Variants in PIK3AP1 observed in about 807,000 individuals in gnomAD.
The protein encoded by PIK3AP1 is phosphoinositide 3-kinase adapter protein 1.
PIK3AP1 carries 21 observed loss-of-function variants against 88.1 expected under a neutral mutation model. The observed-to-expected ratio is 0.24, with a 90% CI of 0.17 to 0.34. PIK3AP1 has a LOEUF of 0.34. PIK3AP1 is among the 10% of genes least tolerant of loss of function. The probability of loss-of-function intolerance (pLI) is 1.00; values close to 1 mark genes in which losing one functional copy is unlikely to be tolerated. For missense variants in PIK3AP1, 828 were observed against 1,035.7 expected (o/e 0.80, Z 2.75); for synonymous variants, 398 against 400.0 (o/e 1.00, Z 0.06).
chr10:96,664,598 C>T (rs1437451125), intron 2 of PIK3AP1, among the ~76,000 whole-genome samples: 1 of 152,034 alleles, frequency 6.6e-6, no homozygotes, highest in African/African-American at 2.4e-5. Context: ...AATAATTTTG[C>T]CCAAGAGCCC....
intron 10 of PIK3AP1, among the ~76,000 whole-genome samples, chr10:96,626,167 C>A (rs554554624): frequency 6.6e-6 from 1 of 152,228 alleles, no homozygotes; most frequent in Admixed American, 6.5e-5. Context: ...AAGTCAAAAC[C>A]TTAATTTTTA....
At chr10:96,614,295 T>A (rs1849177865) in intron 13 of PIK3AP1, among the ~76,000 whole-genome samples, 1 of 152,126 alleles carries the variant, frequency 6.6e-6, no homozygotes, top group Non-Finnish European at 1.5e-5. Context: ...AAGGCTTCTA[T>A]CTTTGGGCGC....
chr10:96,651,142 C>T (rs1424390553), intron 6 of PIK3AP1, 106 bp downstream of exon 6: 2 of 1,441,298 alleles, frequency 1.4e-6, no homozygotes, highest in African/African-American at 2.8e-5. Context: ...GAGAAGGGAC[C>T]CAGAAGAGTT....
chr10:96,629,110 G>C (rs1843202448), intron 8 of PIK3AP1, among the ~76,000 whole-genome samples: 1 of 151,594 alleles, frequency 6.6e-6, no homozygotes, highest in African/African-American at 2.4e-5. Context: ...GGAACATTAT[G>C]TAACAATTAA....
chr10:96,614,069 G>A (rs1849171858), intron 13 of PIK3AP1, among the ~76,000 whole-genome samples: 1 of 152,136 alleles, frequency 6.6e-6, no homozygotes, highest in African/African-American at 2.4e-5. Context: ...ATGTGCGTCT[G>A]TCCTGCTTCA....
In PIK3AP1 at chr10:96,593,411, C is replaced by T. The variant is rs965202324; in HGVS notation, c.*2166G>A. On this transcript the variant is annotated 3_prime_UTR_variant, in exon 17 of 17. Transcript: ENST00000339364. ...TATTGCACAAACAGTGATGTGCATA[C>T]AAAGATGCTAACAACATTGGCTGGT... 1.3e-5 allele frequency: 2 copies of T among 152,122 alleles called. No homozygotes were observed. The highest frequency in any genetic ancestry group is 4.8e-5 in the African/African-American group (2 of 41,414). The allele number at this position is 152,122 out of a possible 1,614,324, so 9.4% of individuals were successfully genotyped here.
intron 2 of PIK3AP1, chr10:96,700,976 G>T: frequency 1.2e-6 from 1 of 804,428 alleles, no homozygotes; most frequent in Non-Finnish European, 1.5e-6. Context: ...CAGACCACAG[G>T]GCCTGAGCTA....
At chr10:96,642,102 G>A (rs1239828336) in intron 8 of PIK3AP1, among the ~76,000 whole-genome samples, 2 of 152,042 alleles carry the variant, frequency 1.3e-5, no homozygotes, top group Non-Finnish European at 2.9e-5. Context: ...TCTAGAGTTA[G>A]AAAATTCAGA....
At chr10:96,688,674 T>C (rs1210439422) in intron 2 of PIK3AP1, among the ~76,000 whole-genome samples, 1 of 152,068 alleles carries the variant, frequency 6.6e-6, no homozygotes, top group Non-Finnish European at 1.5e-5. Context: ...GGCACATGCC[T>C]GTAGTCCCAG....
chr10:96,616,631 C>T lies in PIK3AP1; in HGVS notation c.2014+8G>A. ...CCACACAATGCAGCACCCTAGGAAG[C>T]CACATACCTGTCTGCTTTCCTGATT... On this transcript the variant is annotated splice_region_variant and intron_variant, in intron 13 of 16. Coordinates refer to ENST00000339364, the MANE Select transcript of PIK3AP1 (RefSeq NM_152309.3). The T allele has an allele frequency of 6.2e-7, 1 of 1,613,646 alleles. No individual in the cohort carries two copies. Among genetic ancestry groups the T allele is most frequent in the Non-Finnish European group, 8.5e-7 (1 of 1,179,520 alleles).
At chr10:96,643,718 C>T (rs895101430) in intron 8 of PIK3AP1, among the ~76,000 whole-genome samples, 2 of 152,216 alleles carry the variant, frequency 1.3e-5, no homozygotes, top group African/African-American at 4.8e-5. Context: ...TCTGACCAAC[C>T]TATGCCTTCT....
intron 3 of PIK3AP1, among the ~76,000 whole-genome samples, chr10:96,654,885 G>C (rs1411297051): frequency 6.6e-6 from 1 of 152,220 alleles, no homozygotes; most frequent in Non-Finnish European, 1.5e-5. Context: ...TAAGGCAAAG[G>C]AGTGAGATAG....
chr10:96,603,254 T>A (rs1263564493), intron 15 of PIK3AP1, among the ~76,000 whole-genome samples: 1 of 152,230 alleles, frequency 6.6e-6, no homozygotes, highest in African/African-American at 2.4e-5. Context: ...GCAGCCTCTA[T>A]CTAGTCTTAA....
chr10:96,628,923 T>C (rs1308011751), intron 8 of PIK3AP1, among the ~76,000 whole-genome samples: 1 of 130,722 alleles, frequency 7.6e-6, no homozygotes, highest in African/African-American at 2.9e-5. Context: ...TATATATATA[T>C]ATATATGGCA....
intron 2 of PIK3AP1, among the ~76,000 whole-genome samples, chr10:96,663,627 CAAAAAAAAAAAAAA>C (rs373081849): frequency 7.9e-4 from 34 of 42,986 alleles, no homozygotes; most frequent in East Asian, 2.5e-3. Context: ...GAGACTCCGT[CAAAAAAAAAAAAAA>C]AAAAAAAAAA....
intron 1 of PIK3AP1, among the ~76,000 whole-genome samples, chr10:96,712,096 G>C (rs1263686610): frequency 2.0e-5 from 3 of 152,040 alleles, no homozygotes; most frequent in South Asian, 2.1e-4. Context: ...ACGAATGTTT[G>C]CAGTTTCATT....
At chr10:96,661,583 T>G (rs949924911) in intron 2 of PIK3AP1, among the ~76,000 whole-genome samples, 2 of 152,162 alleles carry the variant, frequency 1.3e-5, no homozygotes, top group Admixed American at 6.5e-5. Context: ...GCTTTCCACT[T>G]AATTTTGCTA....
intron 1 of PIK3AP1, among the ~76,000 whole-genome samples, chr10:96,713,542 G>C (rs1844465620): frequency 1.3e-5 from 2 of 150,198 alleles, no homozygotes; most frequent in Admixed American, 1.3e-4. Flanking sequence ...AAATTAGCCA[G>C]GCGTGGTGGT....
At chr10:96,682,013 T>TAG (rs55857679) in intron 2 of PIK3AP1, among the ~76,000 whole-genome samples, 33 of 108,496 alleles carry the variant, frequency 3.0e-4, no homozygotes, top group Admixed American at 5.4e-4. Context: ...TATATATATA[T>TAG]AGAGAGAGAG....
Sources: allele counts gnomAD v4.1 joint callset (sites outside exome capture counted in the v4.1 genomes callset), GRCh38; gene constraint gnomAD v4.1.1; transcripts MANE v1.5; gene names NCBI Gene and HGNC (gene_info 2026-07-23, HGNC 2026-07-21).